The following PARD3 variants were observed in gnomAD, a reference collection of about 807,000 sequenced individuals.
PARD3 encodes the protein partitioning defective 3 homolog.
A neutral mutation model predicts 155.4 loss-of-function variants in PARD3; 75 were observed. That is an observed-to-expected ratio of 0.48 (90% CI 0.40 to 0.58). The LOEUF (loss-of-function observed/expected upper bound fraction) is 0.58, where lower values mean the gene tolerates loss of function less well. Ranked by LOEUF, PARD3 falls within the 20% of genes least tolerant of loss-of-function variation. PARD3 has a pLI of 0.00. For synonymous variants in PARD3, 576 were observed against 610.5 expected (o/e 0.94, Z 0.83); for missense variants, 1,642 against 1,721.7 (o/e 0.95, Z 0.82).
intron 23 of PARD3, among the ~76,000 whole-genome samples, chr10:34,126,601 C>T (rs1291691372): frequency 6.6e-6 from 1 of 152,088 alleles, no homozygotes; most frequent in Admixed American, 6.5e-5. Flanking sequence ...GGTCAGAATA[C>T]ATAAGAGAAG....
intron 1 of PARD3, among the ~76,000 whole-genome samples, chr10:34,789,970 C>T (rs1165254540): frequency 1.3e-5 from 2 of 152,130 alleles, no homozygotes; most frequent in African/African-American, 4.8e-5. Flanking sequence ...TGGCAGAATC[C>T]TGAGCTCTGG....
chr10:34,672,118 T>C lies in PARD3; in HGVS notation c.222+24200A>G, dbSNP rs137975902. Among the ~76,000 whole-genome samples, 883 of 152,152 alleles carry C rather than the reference T, an allele frequency of 5.8e-3. 7 individuals carry two copies. The highest frequency in any genetic ancestry group is 0.02 in the African/African-American group (838 of 41,514). The stretch of plus-strand genomic sequence containing the variant: ...AGGAGTTCGAGGCTGCAGTGAGCCA[T>C]GATGACGCTACTACACTCCAGCCTG... On this transcript the variant is annotated intron_variant, in intron 2 of 24. Transcript: ENST00000374788.
At chr10:34,731,421 C>A (rs78344428) in intron 1 of PARD3, among the ~76,000 whole-genome samples, 1 of 152,176 alleles carries the variant, frequency 6.6e-6, no homozygotes, top group Admixed American at 6.5e-5. Flanking sequence ...GCTGCTCTAG[C>A]GCTGACTAGA....
intron 2 of PARD3, among the ~76,000 whole-genome samples, chr10:34,561,880 C>T (rs1165366279): frequency 6.6e-6 from 1 of 151,650 alleles, no homozygotes; most frequent in African/African-American, 2.4e-5. Flanking sequence ...ACCTGTAATC[C>T]TAGCACTTTG....
At chr10:34,702,363 A>G (rs2094295065) in intron 1 of PARD3, among the ~76,000 whole-genome samples, 1 of 151,974 alleles carries the variant, frequency 6.6e-6, no homozygotes, top group South Asian at 2.1e-4. Context: ...AGAAAAAATA[A>G]TAATAATAAA....
chr10:34,294,337 A>C (rs893088750), intron 20 of PARD3, among the ~76,000 whole-genome samples: 2 of 152,248 alleles, frequency 1.3e-5, no homozygotes, highest in East Asian at 1.9e-4. Flanking sequence ...ACACCTTCAA[A>C]TATTTTCTTA....
At chr10:34,801,155 C>G (rs982728949) in intron 1 of PARD3, among the ~76,000 whole-genome samples, 1 of 152,170 alleles carries the variant, frequency 6.6e-6, no homozygotes, top group African/African-American at 2.4e-5. Context: ...AAGAGACAGA[C>G]GCACAAAAAT....
chr10:34,707,546 G>A (rs932850212), intron 1 of PARD3, among the ~76,000 whole-genome samples: 1 of 152,190 alleles, frequency 6.6e-6, no homozygotes, highest in African/African-American at 2.4e-5. Flanking sequence ...TTCAGAATGA[G>A]GGGCGAGAAG....
At chr10:34,752,688 G>A (rs1008826740) in intron 1 of PARD3, among the ~76,000 whole-genome samples, 1 of 152,140 alleles carries the variant, frequency 6.6e-6, no homozygotes, top group African/African-American at 2.4e-5. Context: ...AAATATTCAA[G>A]CAAAATGCAC....
rs112894833 is a variant in PARD3, at chr10:34,389,265, A to G, written c.891-5011T>C. Among the ~76,000 whole-genome samples, 193 of 149,480 alleles carry G rather than the reference A, an allele frequency of 1.3e-3. 2 individuals are homozygous for G. The highest frequency in any genetic ancestry group is 4.5e-3 in the African/African-American group (184 of 40,980). On this transcript the variant is annotated intron_variant, in intron 7 of 24. Coordinates refer to ENST00000374788, the MANE Select transcript of PARD3 (RefSeq NM_001184785.2). ...AAAAAAAAAAAAAAAAAAAAAAAAA[A>G]GACAAGCTAGGGTACAGTAGCACAA...
intron 2 of PARD3, among the ~76,000 whole-genome samples, chr10:34,552,535 C>T (rs2084666956): frequency 6.6e-6 from 1 of 152,176 alleles, no homozygotes; most frequent in Non-Finnish European, 1.5e-5. Context: ...TGGTGAAACA[C>T]CATCTCTACT....
At chr10:34,232,527 G>A (rs550086231) in intron 22 of PARD3, among the ~76,000 whole-genome samples, 3 of 151,986 alleles carry the variant, frequency 2.0e-5, no homozygotes, top group African/African-American at 4.8e-5. Flanking sequence ...TTTTATACAC[G>A]TGAATGAAAT....
At chr10:34,555,744 CCATCACCCGCCCA>C (rs929996722) in intron 2 of PARD3, among the ~76,000 whole-genome samples, 38 of 152,220 alleles carry the variant, frequency 2.5e-4, no homozygotes, top group African/African-American at 8.9e-4. Flanking sequence ...CTGGGAAATA[CCATCACCCGCCCA>C]CACACCTACC....
chr10:34,307,605 C>G (rs1349840209), intron 20 of PARD3, among the ~76,000 whole-genome samples: 3 of 152,090 alleles, frequency 2.0e-5, no homozygotes, highest in Non-Finnish European at 4.4e-5. Flanking sequence ...GACTGGGGTA[C>G]ATTTACACTG....
chr10:34,752,979 C>T (rs971439026), intron 1 of PARD3, among the ~76,000 whole-genome samples: 23 of 152,270 alleles, frequency 1.5e-4, no homozygotes, highest in South Asian at 6.2e-4. Flanking sequence ...CCTGTTTTTC[C>T]AAATGCTCCA....
chr10:34,793,515 G>A lies in PARD3; in HGVS notation c.120+21361C>T, dbSNP rs147285772. ...AGTTTACTCTGGGAAGGCTGGGCAC[G>A]GTGCCTCACACCTGTAATCCCGGCA... is the stretch of plus-strand genomic sequence containing the variant. On this transcript the variant is annotated intron_variant, in intron 1 of 24. Coordinates refer to ENST00000374788, the MANE Select transcript of PARD3 (RefSeq NM_001184785.2). 1.1e-4 allele frequency among the ~76,000 whole-genome samples: 17 copies of A among 152,284 alleles called. No individual in the cohort carries two copies. In the East Asian group the frequency reaches 1.7e-3, roughly 16 times the overall value.
intron 1 of PARD3, among the ~76,000 whole-genome samples, chr10:34,738,967 T>C (rs936284439): frequency 6.6e-6 from 1 of 152,196 alleles, no homozygotes; most frequent in African/African-American, 2.4e-5. Context: ...ATGGTAATGA[T>C]TGATATATCT....
chr10:34,673,998 C>A (rs2477001), intron 2 of PARD3, among the ~76,000 whole-genome samples: 103,156 of 144,282 alleles, frequency 0.71, 37,498 homozygotes, highest in African/African-American at 0.84. Context: ...AAAAAAAAAA[C>A]AAACAAACAG....
intron 2 of PARD3, among the ~76,000 whole-genome samples, chr10:34,683,282 G>A (rs143398295): frequency 6.6e-6 from 1 of 152,070 alleles, no homozygotes; most frequent in Non-Finnish European, 1.5e-5. Context: ...ACTATTTACC[G>A]GGTACTACAC....
Sources: gnomAD v4.1 joint callset for allele counts (sites outside exome capture counted in the v4.1 genomes callset) on GRCh38, gnomAD v4.1.1 for gene constraint, MANE v1.5 for transcripts, NCBI Gene and HGNC (gene_info 2026-07-23, HGNC 2026-07-21) for gene names.